Variants in MAPK10 observed in about 807,000 individuals in gnomAD.
MAPK10 encodes the protein JNK3 alpha protein kinase.
MAPK10 carries 25 observed loss-of-function variants against 59.3 expected under a neutral mutation model. The observed-to-expected ratio is 0.42, with a 90% CI of 0.31 to 0.59. MAPK10 has a LOEUF of 0.59. MAPK10 is among the 20% of genes least tolerant of loss of function. The pLI is 0.15. For missense variants in MAPK10, 351 were observed against 568.9 expected (o/e 0.62, Z 3.90); for synonymous variants, 190 against 200.5 (o/e 0.95, Z 0.44).
At chr4:86,287,499 G>A (rs1028120142) in intron 2 of MAPK10, among the ~76,000 whole-genome samples, 3 of 152,124 alleles carry the variant, frequency 2.0e-5, no homozygotes, top group Non-Finnish European at 4.4e-5. Context: ...AGCTGCCATC[G>A]TTTTAGGAAA....
intron 11 of MAPK10, among the ~76,000 whole-genome samples, chr4:86,037,980 G>C (rs771869185): frequency 2.0e-5 from 3 of 152,330 alleles, no homozygotes; most frequent in South Asian, 2.1e-4. Context: ...TACAGCTAGA[G>C]CTGGCAACTA....
At chr4:86,505,297 A>G (rs553282884) in intron 1 of MAPK10, among the ~76,000 whole-genome samples, 1 of 152,238 alleles carries the variant, frequency 6.6e-6, no homozygotes, top group East Asian at 1.9e-4. Context: ...CCCTGAATCT[A>G]AAATAAAAGT....
At chr4:86,452,526 C>T (rs1290399600) in intron 1 of MAPK10, among the ~76,000 whole-genome samples, 1 of 152,098 alleles carries the variant, frequency 6.6e-6, no homozygotes, top group Non-Finnish European at 1.5e-5. Flanking sequence ...CGCACGCACA[C>T]ACACACACAC....
At chr4:86,195,800 A>T (rs2149319320) in intron 2 of MAPK10, among the ~76,000 whole-genome samples, 1 of 152,114 alleles carries the variant, frequency 6.6e-6, no homozygotes, top group South Asian at 2.1e-4. Flanking sequence ...GCTCCCACTT[A>T]TGAGTGAGAA....
At chr4:86,136,184 A>G (rs1373542671) in intron 4 of MAPK10, among the ~76,000 whole-genome samples, 1 of 152,182 alleles carries the variant, frequency 6.6e-6, no homozygotes, top group African/African-American at 2.4e-5. Flanking sequence ...AACACAGAGA[A>G]TGCCACAAAG....
intron 1 of MAPK10, among the ~76,000 whole-genome samples, chr4:86,389,345 AG>A (rs1741901759): frequency 6.6e-6 from 1 of 152,176 alleles, no homozygotes; most frequent in Non-Finnish European, 1.5e-5. Context: ...ACCCAGTCTC[AG>A]GTATTTTCTT....
chr4:86,310,769 A>G (rs2095652960), intron 2 of MAPK10, among the ~76,000 whole-genome samples: 1 of 151,832 alleles, frequency 6.6e-6, no homozygotes, highest in South Asian at 2.1e-4. Context: ...TTTTTTCCTA[A>G]TTTCTCACTG....
chr4:86,153,358 C>G (rs2066932751), intron 4 of MAPK10, among the ~76,000 whole-genome samples: 1 of 152,118 alleles, frequency 6.6e-6, no homozygotes, highest in Non-Finnish European at 1.5e-5. Flanking sequence ...AAAGTGCTCC[C>G]AGGCTACAAA....
At chr4:86,443,510 G>C (rs945865861) in intron 1 of MAPK10, among the ~76,000 whole-genome samples, 11 of 152,032 alleles carry the variant, frequency 7.2e-5, no homozygotes, top group African/African-American at 2.7e-4. Context: ...TGGGTGCAAG[G>C]AGAACCGAGA....
intron 2 of MAPK10, among the ~76,000 whole-genome samples, chr4:86,269,135 A>G (rs1478299857): frequency 6.6e-6 from 1 of 152,198 alleles, no homozygotes; most frequent in East Asian, 1.9e-4. Context: ...AGATAAAAAG[A>G]TAAGTAAATA....
chr4:86,321,309 A>T (rs2095885186), intron 2 of MAPK10, among the ~76,000 whole-genome samples: 1 of 151,898 alleles, frequency 6.6e-6, no homozygotes, highest in South Asian at 2.1e-4. Flanking sequence ...GGCACTATTC[A>T]CAATAGCAAA....
intron 2 of MAPK10, among the ~76,000 whole-genome samples, chr4:86,296,885 G>T (rs1351416908): frequency 1.3e-5 from 2 of 152,144 alleles, no homozygotes; most frequent in African/African-American, 4.8e-5. Context: ...AGGACCTTCT[G>T]CTTTCAGAAA....
At chr4:86,438,561 G>A (rs1352672669) in intron 1 of MAPK10, among the ~76,000 whole-genome samples, 1 of 151,932 alleles carries the variant, frequency 6.6e-6, no homozygotes, top group Non-Finnish European at 1.5e-5. Flanking sequence ...GTGGTGGCAG[G>A]CGCCTATGAT....
intron 13 of MAPK10, chr4:86,025,042 A>T (rs1351979764): frequency 6.5e-6 from 1 of 152,682 alleles, no homozygotes; most frequent in Admixed American, 6.5e-5. Context: ...GTTCCTTGCT[A>T]TCCAGTGTGA....
At chr4:86,247,936 C>T (rs542012698) in intron 2 of MAPK10, among the ~76,000 whole-genome samples, 23 of 152,260 alleles carry the variant, frequency 1.5e-4, no homozygotes, top group African/African-American at 4.6e-4. Context: ...GGATGTCAGG[C>T]TTGGCCAATC....
At chr4:86,566,646 C>T (rs1006139465) in intron 1 of MAPK10, among the ~76,000 whole-genome samples, 5 of 151,836 alleles carry the variant, frequency 3.3e-5, no homozygotes, top group Non-Finnish European at 7.4e-5. Flanking sequence ...ACGCAGGTGA[C>T]GGAGTTTGCA....
In MAPK10 at chr4:86,112,628, T is replaced by C. The variant is rs555351989; in HGVS notation, c.237-5276A>G. ...TTGCATTTGGTGAGGAGTGTTTTACTTGTAATTATATTATTAATTTTAGGG... is the reference window on the plus strand; with the variant it reads ...TTGCATTTGGTGAGGAGTGTTTTACCTGTAATTATATTATTAATTTTAGGG... On this transcript the variant is annotated intron_variant, in intron 4 of 13. Coordinates refer to ENST00000641462, the MANE Select transcript of MAPK10 (RefSeq NM_138982.4). Among the ~76,000 whole-genome samples, 28 of 152,322 alleles carry C rather than the reference T, an allele frequency of 1.8e-4. 1 individual carries two copies. In the South Asian group the frequency reaches 5.8e-3, roughly 32 times the overall value.
chr4:86,023,856 G>T (rs985280048), intron 13 of MAPK10: 1 of 104,504 alleles, frequency 9.6e-6, no homozygotes, highest in Non-Finnish European at 2.0e-5. Flanking sequence ...TATATAAAAT[G>T]AATGTTGTAA....
At chr4:86,565,217 A>G (rs1019369378) in intron 1 of MAPK10, among the ~76,000 whole-genome samples, 6 of 152,172 alleles carry the variant, frequency 3.9e-5, no homozygotes, top group Non-Finnish European at 7.3e-5. Context: ...AGAACAATAT[A>G]TTTTTATTGC....
Sources: allele counts gnomAD v4.1 joint callset (sites outside exome capture counted in the v4.1 genomes callset), GRCh38; gene constraint gnomAD v4.1.1; transcripts MANE v1.5; gene names NCBI Gene and HGNC (gene_info 2026-07-23, HGNC 2026-07-21).